NAV2: variants seen among roughly 807,000 people sequenced by gnomAD.
The protein encoded by NAV2 is helicase, APC down-regulated 1.
NAV2 carries 54 observed loss-of-function variants against 223.2 expected under a neutral mutation model. The ratio of observed to expected loss-of-function variants is 0.24; its 90% CI spans 0.19 to 0.30. The LOEUF is 0.30. Among genes scored for constraint, NAV2 ranks in the 10% least tolerant of loss-of-function variants. The pLI, the probability that NAV2 is intolerant of heterozygous loss-of-function variation, is 1.00. For synonymous variants in NAV2, 1,279 were observed against 1,239.3 expected, an observed-to-expected ratio of 1.03 and a Z score of -0.67; for missense variants, 2,806 against 3,147.5, an observed-to-expected ratio of 0.89 and a Z score of 2.60.
At chr11:20,078,190 C>A in intron 24 of NAV2, 86 bp downstream of exon 24, 1 of 933,616 alleles carries the variant, frequency 1.1e-6, no homozygotes, top group Non-Finnish European at 1.7e-6. Flanking sequence ...AACCTCCTTG[C>A]TAGAAGACAG....
intron 19 of NAV2, chr11:20,056,692 G>A (rs527384963): frequency 9.6e-7 from 1 of 1,043,636 alleles, no homozygotes; most frequent in Non-Finnish European, 1.5e-6. Flanking sequence ...GGGGCTGATG[G>A]GACATTGGCG....
Position 20,054,026 on chromosome 11 carries a change from C to T in NAV2, c.4482-54C>T, listed in dbSNP as rs2058201352. On this transcript the variant is annotated intron_variant, in intron 17 of 37. Coordinates refer to ENST00000349880, the MANE Select transcript of NAV2 (RefSeq NM_145117.5). ...TATTTACCATCAGCTCCACAGAGTT[C>T]ATTTTAATAAGCATTGTTCATAGTT... is the stretch of plus-strand genomic sequence containing the variant. 4 of 1,557,786 alleles carry T rather than the reference C, an allele frequency of 2.6e-6. No homozygotes were observed. In the African/African-American group the frequency reaches 4.1e-5, roughly 16 times the overall value.
rs577347749 is a variant in NAV2 at position 19,808,013 on chromosome 11, G to T, written c.268-24471G>T. ...CCTTCATAGTGGCAGGTGGCTGTCA[G>T]GTGAGATGAGCTTGGTATTGAGACC... On this transcript the variant is annotated intron_variant, in intron 1 of 37. Coordinates refer to ENST00000349880, the MANE Select transcript of NAV2 (RefSeq NM_145117.5). 3.3e-5 allele frequency among the ~76,000 whole-genome samples: 5 copies of T among 152,300 alleles called. No homozygotes were observed. The South Asian group carries it at 8.3e-4, about 25-fold the overall frequency.
intron 1 of NAV2, among the ~76,000 whole-genome samples, chr11:19,736,477 G>A (rs1290450467): frequency 6.6e-6 from 1 of 152,116 alleles, no homozygotes; most frequent in African/African-American, 2.4e-5. Flanking sequence ...CAGTGGTAAG[G>A]ACTCTTACAA....
chr11:19,350,285 C>A (rs377639727), upstream of NAV2, among the ~76,000 whole-genome samples: 9 of 152,288 alleles, frequency 5.9e-5, no homozygotes, highest in East Asian at 1.5e-3. Context: ...TCAGGCCTCA[C>A]TATGTGGCTC....
At chr11:19,620,428 T>C (rs906091325) in intron 1 of NAV2, among the ~76,000 whole-genome samples, 3 of 152,206 alleles carry the variant, frequency 2.0e-5, no homozygotes, top group East Asian at 1.9e-4. Context: ...TGTCCTCTTT[T>C]ATTTCATTGA....
At chr11:19,977,500 G>T (rs911072563) in intron 10 of NAV2, among the ~76,000 whole-genome samples, 2 of 152,218 alleles carry the variant, frequency 1.3e-5, no homozygotes, top group Non-Finnish European at 2.9e-5. Flanking sequence ...CTGTGAGTAG[G>T]ATATTAGAGT....
intron 1 of NAV2, among the ~76,000 whole-genome samples, chr11:19,630,537 A>G (rs1042458717): frequency 1.3e-5 from 2 of 152,140 alleles, no homozygotes; most frequent in Non-Finnish European, 2.9e-5. Context: ...TTCTACCCAG[A>G]TTGCTCCTTC....
Position 19,958,753 on chromosome 11 carries a change from G to A in NAV2, c.2645+9673G>A, listed in dbSNP as rs557367713. On this transcript the variant is annotated intron_variant, in intron 10 of 37. Coordinates refer to ENST00000349880, the MANE Select transcript of NAV2 (RefSeq NM_145117.5). ...GGCACCTTGAGGACATGTGAGCTGGGCCTCACAGGATAAACAAGGGCCCAG... is the reference window on the plus strand; with the variant it reads ...GGCACCTTGAGGACATGTGAGCTGGACCTCACAGGATAAACAAGGGCCCAG... Among the ~76,000 whole-genome samples the A allele has an allele frequency of 9.2e-5, 14 of 152,268 alleles. No individual in the cohort carries two copies. In the East Asian group the frequency reaches 2.7e-3, roughly 29 times the overall value.
At chr11:19,497,546 G>A (rs955251785) in intron 1 of NAV2, among the ~76,000 whole-genome samples, 12 of 152,096 alleles carry the variant, frequency 7.9e-5, no homozygotes, top group Admixed American at 7.9e-4. Context: ...CATTACCCAG[G>A]CTCTCTTCCT....
chr11:19,958,562 T>C (rs2048082249), intron 10 of NAV2, among the ~76,000 whole-genome samples: 1 of 152,202 alleles, frequency 6.6e-6, no homozygotes, highest in East Asian at 1.9e-4. Context: ...CTGTGTGTCC[T>C]TTAGTAACCT....
intron 5 of NAV2, among the ~76,000 whole-genome samples, chr11:19,881,125 C>G (rs771156218): frequency 6.6e-6 from 1 of 152,216 alleles, no homozygotes; most frequent in African/African-American, 2.4e-5. Context: ...CAAAGCCGCT[C>G]AAACACAGCT....
intron 11 of NAV2, among the ~76,000 whole-genome samples, chr11:19,985,403 C>T (rs1182087069): frequency 1.3e-5 from 2 of 152,130 alleles, no homozygotes; most frequent in Middle Eastern, 3.2e-3. Flanking sequence ...TAGAGTCCCC[C>T]CAGTGCCCAG....
chr11:19,786,380 C>T (rs577654189), intron 1 of NAV2, among the ~76,000 whole-genome samples: 1 of 152,220 alleles, frequency 6.6e-6, no homozygotes, highest in South Asian at 2.1e-4. Flanking sequence ...TTTTTGTATC[C>T]CTAGAAACAA....
intron 10 of NAV2, among the ~76,000 whole-genome samples, chr11:19,958,529 C>T (rs1175175441): frequency 2.0e-5 from 3 of 152,150 alleles, no homozygotes; most frequent in Non-Finnish European, 4.4e-5. Context: ...ACCTGCAGTC[C>T]AGGCTGGTTC....
intron 1 of NAV2, among the ~76,000 whole-genome samples, chr11:19,830,944 G>A (rs1389228732): frequency 6.6e-6 from 1 of 152,066 alleles, no homozygotes; most frequent in Non-Finnish European, 1.5e-5. Context: ...AAGGAGACTA[G>A]CATGGATTTA....
intron 1 of NAV2, among the ~76,000 whole-genome samples, chr11:19,544,299 T>C (rs2044425255): frequency 6.6e-6 from 1 of 152,198 alleles, no homozygotes; most frequent in African/African-American, 2.4e-5. Flanking sequence ...GTCTTTCCAA[T>C]ACCAGCAGAA....
At chr11:19,522,910 C>T (rs1352370434) in intron 1 of NAV2, among the ~76,000 whole-genome samples, 1 of 152,208 alleles carries the variant, frequency 6.6e-6, no homozygotes, top group African/African-American at 2.4e-5. Flanking sequence ...CGGGGTCTTA[C>T]TTGCAGTTAT....
intron 1 of NAV2, among the ~76,000 whole-genome samples, chr11:19,779,046 T>C (rs756050364): frequency 6.6e-6 from 1 of 152,222 alleles, no homozygotes; most frequent in Non-Finnish European, 1.5e-5. Flanking sequence ...TGGTAAGGGC[T>C]GGGATGTCTT....
Sources: gnomAD v4.1 joint callset for allele counts (sites outside exome capture counted in the v4.1 genomes callset) on GRCh38, gnomAD v4.1.1 for gene constraint, MANE v1.5 for transcripts, NCBI Gene and HGNC (gene_info 2026-07-23, HGNC 2026-07-21) for gene names.